The following NEK10 variants were observed in gnomAD, a reference collection of about 807,000 sequenced individuals.
NEK10 encodes NIMA related kinase 10.
In NEK10, 122 loss-of-function variants were observed where a neutral mutation model predicts 159.8. The ratio of observed to expected loss-of-function variants is 0.76; its 90% CI spans 0.66 to 0.89. NEK10 has a LOEUF of 0.89. Ranked by LOEUF, NEK10 falls within the 40% of genes least tolerant of loss-of-function variation. NEK10 has a pLI of 0.00. For synonymous variants in NEK10, 466 were observed against 457.1 expected, an observed-to-expected ratio of 1.02 and a Z score of -0.25; for missense variants, 1,342 against 1,323.1, an observed-to-expected ratio of 1.01 and a Z score of -0.22.
At chr3:27,204,301 G>GTTTTT (rs567092116) in intron 23 of NEK10, among the ~76,000 whole-genome samples, 109 of 66,226 alleles carry the variant, frequency 1.6e-3, no homozygotes, top group East Asian at 4.0e-3. Context: ...TTTTGTTGTT[G>GTTTTT]TTTTTTTTTT....
chr3:27,295,625 AC>A lies in NEK10; in HGVS notation c.1295del (p.Ser432IlefsTer12), dbSNP rs1412837799. On this transcript the variant is annotated frameshift_variant, in exon 15 of 36. Coordinates refer to ENST00000691995, the MANE Select transcript of NEK10 (RefSeq NM_001394966.1). LOFTEE classifies it high-confidence loss of function. ...ACATGTTTATTACCTGTAATAGATT[AC>A]TTTTTGCTGCATTCTTTTGCTTATT... ...LPNKQKNAAKSNLLQCYAFRA... is the reference protein window; with the variant it reads ...LPNKQKNAAKXNLLQCYAFRA... 2 of 1,563,880 alleles carry A rather than the reference AC, an allele frequency of 1.3e-6. No individual in the cohort carries two copies. Among genetic ancestry groups the A allele is most frequent in the South Asian group, 2.3e-5 (2 of 85,516 alleles).
chr3:27,174,420 T>A lies in NEK10; in HGVS notation c.2776+19A>T. 6.2e-7 allele frequency: 1 copy of A among 1,607,128 alleles called. No individual in the cohort carries two copies. The highest frequency in any genetic ancestry group is 8.5e-7 in the Non-Finnish European group (1 of 1,178,954). On this transcript the variant is annotated intron_variant, in intron 28 of 35. Coordinates refer to ENST00000691995, the MANE Select transcript of NEK10 (RefSeq NM_001394966.1). ...CTTCCGGAATCCCACAAACAGCAAATTGATAACAGAAAGCTTACTGAATGT... is the reference window on the plus strand; with the variant it reads ...CTTCCGGAATCCCACAAACAGCAAAATGATAACAGAAAGCTTACTGAATGT...
intron 5 of NEK10, among the ~76,000 whole-genome samples, chr3:27,326,844 T>G (rs573060989): frequency 6.6e-6 from 1 of 152,304 alleles, no homozygotes; most frequent in South Asian, 2.1e-4. Context: ...GTTCCTTCCT[T>G]GGCTCTCAGC....
chr3:27,272,295 C>A (rs1430104437), intron 22 of NEK10, among the ~76,000 whole-genome samples: 2 of 152,182 alleles, frequency 1.3e-5, no homozygotes, highest in African/African-American at 4.8e-5. Context: ...ATCATTCAGT[C>A]ATCAGGGATA....
intron 5 of NEK10, among the ~76,000 whole-genome samples, chr3:27,324,300 C>A (rs1357740165): frequency 1.3e-5 from 2 of 152,196 alleles, no homozygotes; most frequent in African/African-American, 4.8e-5. Flanking sequence ...AGGTGCATTT[C>A]ACATCAGTTG....
intron 5 of NEK10, among the ~76,000 whole-genome samples, chr3:27,341,318 T>C (rs1005792493): frequency 6.6e-6 from 1 of 152,156 alleles, no homozygotes; most frequent in Non-Finnish European, 1.5e-5. Context: ...TTAACAACAA[T>C]GTATTGTCTA....
chr3:27,125,123 G>A (rs922775751), intron 32 of NEK10, among the ~76,000 whole-genome samples: 4 of 152,038 alleles, frequency 2.6e-5, no homozygotes, highest in Non-Finnish European at 2.9e-5. Flanking sequence ...AGAACAGACT[G>A]TATCATTGTT....
chr3:27,310,768 T>C, intron 9 of NEK10, 181 bp downstream of exon 9: 1 of 459,138 alleles, frequency 2.2e-6, no homozygotes, highest in Non-Finnish European at 3.8e-6. Context: ...ATTATATCTC[T>C]ATTAACTTGT....
At chr3:27,127,885 C>G (rs1409344596) in intron 32 of NEK10, among the ~76,000 whole-genome samples, 1 of 152,068 alleles carries the variant, frequency 6.6e-6, no homozygotes, top group Non-Finnish European at 1.5e-5. Context: ...CCTTTTCTTC[C>G]CTTCTTCTCT....
At chr3:27,258,709 T>C (rs1414644100) in intron 22 of NEK10, among the ~76,000 whole-genome samples, 1 of 152,202 alleles carries the variant, frequency 6.6e-6, no homozygotes, top group Admixed American at 6.5e-5. Flanking sequence ...ATCAGCATGA[T>C]TTATAATTCT....
rs35493524 is a variant in NEK10, at chr3:27,192,075, T to A, written c.2459A>T (p.Asn820Ile). The change falls in exon 26 of 36, where the codon AAC (asparagine) becomes ATC (isoleucine). Residue 820 changes from asparagine (N) to isoleucine (I), a missense_variant. Transcript: ENST00000691995. ...ATGGTGACATGTGACGGTGTTCCGG[T>A]TGGCTTCCATAAAATACCTTTGTGT... Reference protein sequence around the residue: ...RRTQRYFMEANRNTVTCHHEL... With the variant: ...RRTQRYFMEAIRNTVTCHHEL... 1,145 of 1,614,212 alleles carry A rather than the reference T, an allele frequency of 7.1e-4. 1 individual carries two copies. Among genetic ancestry groups the A allele is most frequent in the Non-Finnish European group, 9.1e-4 (1,070 of 1,180,030 alleles).
Position 27,145,844 on chromosome 3 carries a change from AG to A in NEK10, c.2870-4263del, listed in dbSNP as rs764433089. On this transcript the variant is annotated intron_variant, in intron 30 of 35. Transcript: ENST00000691995. ...CCCCAAGGCAATGGCATTTGGAGGA[AG>A]TGAGCTTGGGAGGTGATTAGGTCCT... is the stretch of plus-strand genomic sequence containing the variant. Among the ~76,000 whole-genome samples, 1,122 of 152,164 alleles carry A rather than the reference AG, an allele frequency of 7.4e-3. 5 individuals carry two copies. The highest frequency in any genetic ancestry group is 0.011 in the Non-Finnish European group (763 of 67,984).
chr3:27,203,511 T>C (rs1056307831), intron 23 of NEK10, among the ~76,000 whole-genome samples: 4 of 152,302 alleles, frequency 2.6e-5, no homozygotes, highest in East Asian at 1.9e-4. Context: ...CTTGAACATT[T>C]TGTACTAATA....
intron 28 of NEK10, 41 bp from the exon 29 acceptor site, chr3:27,171,914 T>G (rs1947023272): frequency 5.1e-6 from 8 of 1,578,688 alleles, no homozygotes; most frequent in Non-Finnish European, 6.0e-6. Flanking sequence ...TTATTTCCTC[T>G]GCAAATCTTT....
At chr3:27,337,267 C>T (rs905908012) in intron 5 of NEK10, among the ~76,000 whole-genome samples, 4 of 151,878 alleles carry the variant, frequency 2.6e-5, no homozygotes, top group African/African-American at 4.8e-5. Context: ...ATGTGACCAA[C>T]GAGGTAAAAG....
chr3:27,218,381 C>T (rs1301721125), intron 23 of NEK10, among the ~76,000 whole-genome samples: 2 of 151,872 alleles, frequency 1.3e-5, no homozygotes, highest in African/African-American at 4.8e-5. Flanking sequence ...CCAAGGCGGG[C>T]GGATCACAAG....
intron 23 of NEK10, among the ~76,000 whole-genome samples, chr3:27,212,594 A>G (rs1951101384): frequency 6.6e-6 from 1 of 152,254 alleles, no homozygotes; most frequent in Non-Finnish European, 1.5e-5. Flanking sequence ...GGACCAAGGA[A>G]TGTCCTTTAC....
At chr3:27,359,156 C>T (rs548743532) in intron 1 of NEK10, among the ~76,000 whole-genome samples, 41 of 146,660 alleles carry the variant, frequency 2.8e-4, no homozygotes, top group African/African-American at 9.1e-4. Flanking sequence ...GAGCCGAGAC[C>T]GTGCCACTGC....
chr3:27,311,770 C>A (rs1371348419), intron 8 of NEK10: 4 of 273,322 alleles, frequency 1.5e-5, no homozygotes, highest in Non-Finnish European at 2.8e-5. Context: ...CATGATTAAC[C>A]CAACTTTATA....
Sources: allele counts gnomAD v4.1 joint callset (sites outside exome capture counted in the v4.1 genomes callset), GRCh38; gene constraint gnomAD v4.1.1; transcripts MANE v1.5; gene names NCBI Gene and HGNC (gene_info 2026-07-23, HGNC 2026-07-21).